The following DOCK9 variants were observed in gnomAD, a reference collection of about 807,000 sequenced individuals.
DOCK9 encodes dedicator of cytokinesis protein 9.
DOCK9 carries 89 observed loss-of-function variants against 263.3 expected under a neutral mutation model. That is an observed-to-expected ratio of 0.34 (90% confidence interval 0.28 to 0.40). DOCK9 has a LOEUF of 0.40. Among genes scored for constraint, DOCK9 ranks in the 10% least tolerant of loss-of-function variants. DOCK9 has a pLI of 1.00. For missense variants in DOCK9, 2,140 were observed against 2,603.4 expected, an observed-to-expected ratio of 0.82 and a Z score of 3.87; for synonymous variants, 976 against 973.1, an observed-to-expected ratio of 1.00 and a Z score of -0.06.
rs2044829308 is a variant in DOCK9, at chr13:98,881,892, C to T, written c.2675G>A (p.Arg892Gln). 3 of 1,566,122 alleles carry T rather than the reference C, an allele frequency of 1.9e-6. No individual in the cohort carries two copies. The highest frequency in any genetic ancestry group is 2.6e-6 in the Non-Finnish European group (3 of 1,154,390). Reference protein sequence around the residue: ...TQEEVAVNVTRVIIHVVAQCH... With the variant: ...TQEEVAVNVTQVIIHVVAQCH... ...AAGAGCATCCATCCACCTCCCTTAC[C>T]GAGTCACGTTAACCGCGACTTCTTC... Residue 892 changes from arginine (R) to glutamine (Q), a missense_variant and splice_region_variant, in exon 24 of 53, where the codon CGG becomes CAG. Physicochemically the swap from Arg to Gln is conservative, Grantham distance 43 (BLOSUM62 1). This residue lies in a region of DOCK9 where 1,521 missense variants were observed against 1,741.7 expected (regional missense o/e 0.87). Coordinates refer to ENST00000682017, the MANE Select transcript of DOCK9 (RefSeq NM_001366683.2).
At chr13:98,980,995 G>A (rs1245553163), upstream of DOCK9, among the ~76,000 whole-genome samples, 1 of 151,366 alleles carries the variant, frequency 6.6e-6, no homozygotes, top group Admixed American at 6.6e-5. Context: ...AACATGATCA[G>A]TTCCATAATA....
At chr13:98,867,745 T>C (rs964509272) in intron 29 of DOCK9, among the ~76,000 whole-genome samples, 183 bp downstream of exon 29, 8 of 152,146 alleles carry the variant, frequency 5.3e-5, no homozygotes, top group Admixed American at 1.3e-4. Flanking sequence ...ATGTCTTCAA[T>C]TGATTTTTAG....
chr13:98,979,179 A>AGT (rs1567163068), upstream of DOCK9, among the ~76,000 whole-genome samples: 29 of 133,842 alleles, frequency 2.2e-4, no homozygotes, highest in African/African-American at 7.2e-4. Context: ...TAGCAGCAGC[A>AGT]ATAGTAGTAG....
intron 27 of DOCK9, 139 bp from the exon 28 acceptor site, chr13:98,868,516 C>A (rs1266718252): frequency 1.9e-5 from 19 of 1,011,810 alleles, no homozygotes; most frequent in Non-Finnish European, 2.7e-5. Flanking sequence ...GTAACCCCAG[C>A]ACTTTGGGAA....
intron 12 of DOCK9, 40 bp from the exon 13 acceptor site, chr13:98,901,940 A>C (rs1379101679): frequency 6.2e-7 from 1 of 1,600,972 alleles, no homozygotes. Context: ...CAGAATTCAC[A>C]GCTACGTTAA....
chr13:99,062,061 G>A lies in DOCK9; in HGVS notation c.129+24162C>T, dbSNP rs551831596. Among the ~76,000 whole-genome samples, 7 of 151,810 alleles carry A rather than the reference G, an allele frequency of 4.6e-5. No homozygotes were observed. The South Asian group carries it at 6.2e-4, about 14-fold the overall frequency. On this transcript the variant is annotated intron_variant, in intron 1 of 32. Coordinates refer to the DOCK9 transcript ENST00000427887. ...TAATTTTTTTATGTTTTGTAGAGAC[G>A]GGCTCTCGCTATGTTGCTTAGGCTG...
chr13:99,069,055 A>AACG (rs1324847310), intron 1 of DOCK9, among the ~76,000 whole-genome samples: 1 of 152,240 alleles, frequency 6.6e-6, no homozygotes, highest in East Asian at 1.9e-4. Context: ...TATTTTAGCC[A>AACG]ACGCAAAGCA....
At chr13:99,086,461 G>T (rs1023452538) in exon 1 of DOCK9, 1 of 658,194 alleles carries the variant, frequency 1.5e-6, no homozygotes, top group Non-Finnish European at 1.9e-6. Flanking sequence ...CGCTCCCGGC[G>T]CCGCCGCCGC....
chr13:98,907,520 A>C (rs569255518), intron 9 of DOCK9, among the ~76,000 whole-genome samples: 1 of 152,348 alleles, frequency 6.6e-6, no homozygotes, highest in South Asian at 2.1e-4. Flanking sequence ...ACTAGCCAAA[A>C]TAGACACAAA....
intron 1 of DOCK9, among the ~76,000 whole-genome samples, chr13:99,008,223 T>C (rs1567201069): frequency 8.2e-6 from 1 of 121,218 alleles, no homozygotes; most frequent in South Asian, 3.1e-4. Context: ...TATATATATA[T>C]ATATATATAT....
intron 1 of DOCK9, among the ~76,000 whole-genome samples, chr13:98,989,749 T>C (rs925974057): frequency 6.6e-6 from 1 of 152,190 alleles, no homozygotes; most frequent in Non-Finnish European, 1.5e-5. Flanking sequence ...ATGGTAGACG[T>C]TGACTCATTA....
chr13:98,800,184 T>C, intron 50 of DOCK9, 104 bp downstream of exon 50: 1 of 1,247,718 alleles, frequency 8.0e-7, no homozygotes, highest in Non-Finnish European at 1.1e-6. Context: ...GATCACTTGG[T>C]AAACCGAGGC....
intron 1 of DOCK9, among the ~76,000 whole-genome samples, chr13:99,078,567 A>G (rs756446129): frequency 6.6e-6 from 1 of 152,284 alleles, no homozygotes; most frequent in East Asian, 1.9e-4. Flanking sequence ...AGAAGTAAAG[A>G]TAAGAGCTGG....
At chr13:99,027,553 T>C (rs1886899443) in intron 1 of DOCK9, among the ~76,000 whole-genome samples, 1 of 152,194 alleles carries the variant, frequency 6.6e-6, no homozygotes, top group Admixed American at 6.5e-5. Context: ...AATGTCTCTT[T>C]AGACCTCTAG....
At chr13:98,856,319 G>C in intron 33 of DOCK9, 1 of 235,966 alleles carries the variant, frequency 4.2e-6, no homozygotes, top group Non-Finnish European at 8.2e-6. Flanking sequence ...ATAGAATGAA[G>C]ACTTAAAAAA....
At chr13:98,803,780 T>G (rs1239874957) in intron 49 of DOCK9, among the ~76,000 whole-genome samples, 1 of 152,162 alleles carries the variant, frequency 6.6e-6, no homozygotes, top group Non-Finnish European at 1.5e-5. Context: ...GAGGACAATA[T>G]TATTTGTGCT....
intron 1 of DOCK9, among the ~76,000 whole-genome samples, chr13:98,972,950 G>A (rs372509471): frequency 7.9e-5 from 12 of 152,144 alleles, no homozygotes; most frequent in East Asian, 5.8e-4. Context: ...TTGTAAATGT[G>A]GGTTGACTGA....
At chr13:98,963,583 C>A (rs1197514140) in intron 1 of DOCK9, among the ~76,000 whole-genome samples, 1 of 152,136 alleles carries the variant, frequency 6.6e-6, no homozygotes, top group Admixed American at 6.5e-5. Flanking sequence ...GCTGAAATCC[C>A]AAATGCCACT....
chr13:98,877,078 C>G (rs79744456), intron 27 of DOCK9, among the ~76,000 whole-genome samples: 5 of 152,246 alleles, frequency 3.3e-5, no homozygotes, highest in East Asian at 3.9e-4. Flanking sequence ...AAAAACAAAC[C>G]ATTTCCCAGA....
Sources: gnomAD v4.1 joint callset for allele counts (sites outside exome capture counted in the v4.1 genomes callset) on GRCh38, gnomAD v4.1.1 for gene constraint, gnomAD v4.1.1 regional missense constraint, MANE v1.5 for transcripts, NCBI Gene and HGNC (gene_info 2026-07-23, HGNC 2026-07-21) for gene names.